Variants in TAF6L observed in about 807,000 individuals in gnomAD.
TAF6L encodes TATA-box binding protein associated factor 6 like.
In TAF6L, 34 loss-of-function variants were observed where a neutral mutation model predicts 57.3. That is an observed-to-expected ratio of 0.59 (90% CI 0.45 to 0.79). The LOEUF (loss-of-function observed/expected upper bound fraction) is 0.79. TAF6L is among the 30% of genes least tolerant of loss of function. The pLI is 0.00. For synonymous variants in TAF6L, 417 were observed against 376.3 expected, an observed-to-expected ratio of 1.11 and a Z score of -1.25; for missense variants, 782 against 853.2, an observed-to-expected ratio of 0.92 and a Z score of 1.04.
chr11:62,782,911 T>C (rs2084241180), intron 9 of TAF6L, 86 bp downstream of exon 9: 2 of 1,553,478 alleles, frequency 1.3e-6, no homozygotes, highest in Non-Finnish European at 1.7e-6. Context: ...ATCTCCAAAA[T>C]AGTGTGTGCC....
intron 6 of TAF6L, among the ~76,000 whole-genome samples, chr11:62,779,952 C>CTACATATATATATATATATATATA (rs1554996873): frequency 1.0e-5 from 1 of 100,062 alleles, no homozygotes; most frequent in South Asian, 3.3e-4. Flanking sequence ...AGGCGTGAGC[C>CTACATATATATATATATATATATA]TATATATATA....
chr11:62,776,417 C>T lies in TAF6L; in HGVS notation c.181C>T (p.Arg61Trp), dbSNP rs756371641. The T allele has an allele frequency of 6.2e-6, 10 of 1,613,614 alleles. No homozygotes were observed. The highest frequency in any genetic ancestry group is 4.5e-5 in the East Asian group (2 of 44,874). ...TCAGTTCATGAAGCACACCAAACGC[C>T]GGAAGCTGACGGTTGAGGACTTCAA... ...SSQFMKHTKR[R>W]KLTVEDFNRA... Residue 61 changes from arginine to tryptophan, a missense_variant, in exon 3 of 11, where the codon CGG (arginine) becomes TGG (tryptophan). Coordinates refer to ENST00000294168, the MANE Select transcript of TAF6L (RefSeq NM_006473.4).
At chr11:62,777,385 G>C (rs2084195377) in intron 3 of TAF6L, among the ~76,000 whole-genome samples, 2 of 152,182 alleles carry the variant, frequency 1.3e-5, no homozygotes, top group South Asian at 4.1e-4. Flanking sequence ...GACCCTGATA[G>C]CAACAGCAGA....
chr11:62,774,533 TC>T (rs1192839474), intron 1 of TAF6L: 6 of 453,676 alleles, frequency 1.3e-5, no homozygotes, highest in African/African-American at 1.2e-4. Flanking sequence ...GGGTGGGTCA[TC>T]CTGGATCTGG....
At chr11:62,783,532 G>C (rs2084246555) in intron 9 of TAF6L, among the ~76,000 whole-genome samples, 1 of 150,582 alleles carries the variant, frequency 6.6e-6, no homozygotes, top group Non-Finnish European at 1.5e-5. Flanking sequence ...TAAGAGGGAG[G>C]ATCTTTTTTT....
Position 62,775,935 on chromosome 11 carries a change from A to G in TAF6L, c.147+5A>G, listed in dbSNP as rs759291836. On this transcript the variant is annotated splice_donor_5th_base_variant and intron_variant, in intron 2 of 10. Coordinates refer to ENST00000294168, the MANE Select transcript of TAF6L (RefSeq NM_006473.4). ...CGTCTGAGAGAGGCCACGCAGGTAC[A>G]CTCCCCTCACCCCCTGATACCTCCA... The G allele has an allele frequency of 1.9e-6, 3 of 1,600,282 alleles. No individual in the cohort carries two copies. Among genetic ancestry groups the G allele is most frequent in the South Asian group, 2.2e-5 (2 of 89,538 alleles).
intron 5 of TAF6L, 39 bp downstream of exon 5, chr11:62,778,374 T>A: frequency 5.0e-6 from 8 of 1,612,984 alleles, no homozygotes; most frequent in Non-Finnish European, 6.8e-6. Context: ...TTGGATGAAT[T>A]TTCTCCCTTA....
chr11:62,787,326 A>C lies in TAF6L; in HGVS notation c.*30A>C. The C allele has an allele frequency of 6.6e-7, 1 of 1,523,998 alleles. No individual in the cohort carries two copies. The highest frequency in any genetic ancestry group is 8.8e-7 in the Non-Finnish European group (1 of 1,142,368). The allele number at this position is 1,523,998 out of a possible 1,614,324, so 94.4% of individuals were successfully genotyped here. A position where few individuals can be genotyped will look rare whatever the true frequency, so the allele number is the denominator to read the frequency against. ...GTGGCCCCTTCGTTCCTTGTAAATA[A>C]ATCCCGCCCCCGGAAATGACGTCTC... On this transcript the variant is annotated 3_prime_UTR_variant, in exon 11 of 11. Coordinates refer to ENST00000294168, the MANE Select transcript of TAF6L (RefSeq NM_006473.4).
At chr11:62,783,144 T>C (rs2084242751) in intron 9 of TAF6L, among the ~76,000 whole-genome samples, 1 of 152,238 alleles carries the variant, frequency 6.6e-6, no homozygotes, top group Admixed American at 6.5e-5. Context: ...TTGTCATACC[T>C]TTTTAGCATC....
intron 1 of TAF6L, among the ~76,000 whole-genome samples, chr11:62,774,841 T>A (rs2084173572): frequency 7.4e-6 from 1 of 135,202 alleles, no homozygotes; most frequent in African/African-American, 2.8e-5. Context: ...CCCAGCTACT[T>A]GGGAGGCTGA....
At chr11:62,784,959 G>A (rs2084259325) in intron 9 of TAF6L, among the ~76,000 whole-genome samples, 1 of 152,112 alleles carries the variant, frequency 6.6e-6, no homozygotes, top group Non-Finnish European at 1.5e-5. Context: ...GATGTGGGGA[G>A]TATTTCTTTT....
chr11:62,778,025 C>G lies in TAF6L; in HGVS notation c.282C>G (p.Ala94=). 1 of 1,614,222 alleles carries G rather than the reference C, an allele frequency of 6.2e-7. No homozygotes were observed. The highest frequency in any genetic ancestry group is 8.5e-7 in the Non-Finnish European group (1 of 1,180,044). ...AGGAGGCACTGCCCATGCGCCCCGC[C>G]AGGGAGGGTGAACTCTACTTTCCTG... is the stretch of plus-strand genomic sequence containing the variant. ...GSQEALPMRP[A]REGELYFPED... The change falls in exon 4 of 11, where the codon GCC becomes GCG. Residue 94 remains alanine, a synonymous_variant. Coordinates refer to ENST00000294168, the MANE Select transcript of TAF6L (RefSeq NM_006473.4).
intron 1 of TAF6L, among the ~76,000 whole-genome samples, chr11:62,773,923 GTT>G (rs2084167500): frequency 1.3e-5 from 2 of 152,148 alleles, no homozygotes; most frequent in African/African-American, 4.8e-5. Flanking sequence ...AGGAAGCAGT[GTT>G]CAAAGGTCCT....
chr11:62,781,765 A>T, intron 6 of TAF6L, 129 bp from the exon 7 acceptor site: 2 of 801,648 alleles, frequency 2.5e-6, no homozygotes, highest in Non-Finnish European at 4.2e-6. Flanking sequence ...TAGAATTGCT[A>T]GATCAAAGAA....
chr11:62,786,490 G>T, intron 10 of TAF6L, 27 bp from the exon 11 acceptor site: 4 of 1,573,586 alleles, frequency 2.5e-6, no homozygotes, highest in Non-Finnish European at 3.5e-6. Flanking sequence ...CGAATTTTTT[G>T]CCTATCTTAG....
At chr11:62,778,172 C>T (rs778585233) in intron 4 of TAF6L, 44 bp downstream of exon 4, 73 of 1,613,482 alleles carry the variant, frequency 4.5e-5, no homozygotes, top group Non-Finnish European at 5.5e-5. Context: ...GGAGTTGGGC[C>T]GTGAAGAGAA....
Position 62,778,275 on chromosome 11 carries a change from C to T in TAF6L, c.386-10C>T. 1 of 1,614,198 alleles carries T rather than the reference C, an allele frequency of 6.2e-7. No homozygotes were observed. The highest frequency in any genetic ancestry group is 8.5e-7 in the Non-Finnish European group (1 of 1,180,036). On this transcript the variant is annotated splice_polypyrimidine_tract_variant and intron_variant, in intron 4 of 10. Coordinates refer to ENST00000294168, the MANE Select transcript of TAF6L (RefSeq NM_006473.4). ...CGCCAGGCTGACACATCTCTCTGCA[C>T]TGCTTCTAGTTCATGTCTCCTACCT... is the stretch of plus-strand genomic sequence containing the variant.
intron 1 of TAF6L, among the ~76,000 whole-genome samples, chr11:62,772,447 A>C (rs1441261551): frequency 1.3e-5 from 2 of 151,102 alleles, no homozygotes; most frequent in Non-Finnish European, 2.9e-5. Flanking sequence ...TGCTTGAACC[A>C]GGGAGGCAGA....
At chr11:62,773,958 T>A (rs1382510805) in intron 1 of TAF6L, among the ~76,000 whole-genome samples, 1 of 152,044 alleles carries the variant, frequency 6.6e-6, no homozygotes, top group Non-Finnish European at 1.5e-5. Flanking sequence ...TTTGAGGAAC[T>A]GAAAGGAGGA....
Sources: allele counts gnomAD v4.1 joint callset (sites outside exome capture counted in the v4.1 genomes callset), GRCh38; gene constraint gnomAD v4.1.1; transcripts MANE v1.5; gene names NCBI Gene and HGNC (gene_info 2026-07-23, HGNC 2026-07-21).